PCSK2: variants seen among roughly 807,000 people sequenced by gnomAD.
PCSK2 encodes neuroendocrine convertase 2.
Under a neutral mutation model 69.7 loss-of-function variants are expected in PCSK2, and 14 were observed. The ratio of observed to expected loss-of-function variants is 0.20; its 90% CI spans 0.13 to 0.31. PCSK2 has a LOEUF of 0.31. Ranked by LOEUF, PCSK2 falls within the 10% of genes least tolerant of loss-of-function variation. The pLI, the probability that PCSK2 is intolerant of heterozygous loss-of-function variation, is 1.00. For missense variants in PCSK2, 544 were observed against 842.5 expected (o/e 0.65, Z 4.39); for synonymous variants, 307 against 320.7 (o/e 0.96, Z 0.46).
At chr20:17,375,289 G>A (rs548194202) in intron 5 of PCSK2, among the ~76,000 whole-genome samples, 1 of 152,110 alleles carries the variant, frequency 6.6e-6, no homozygotes, top group Admixed American at 6.5e-5. Context: ...AAGAAGAAAG[G>A]GCAACTGATC....
Position 17,227,286 on chromosome 20 carries a change from CT to C in PCSK2, c.-16del. ...CCAGCCTGCGCGCCTCCTAGCACCACTTTTCACTCCCAAAGAAGGATGAAGG... is the reference window on the plus strand; with the variant it reads ...CCAGCCTGCGCGCCTCCTAGCACCACTTTCACTCCCAAAGAAGGATGAAGG... On this transcript the variant is annotated 5_prime_UTR_variant, in exon 1 of 12. Coordinates refer to ENST00000262545, the MANE Select transcript of PCSK2 (RefSeq NM_002594.5). The C allele has an allele frequency of 6.2e-7, 1 of 1,611,448 alleles. No individual in the cohort carries two copies.
intron 8 of PCSK2, among the ~76,000 whole-genome samples, chr20:17,447,677 A>C (rs913245787): frequency 6.6e-6 from 1 of 152,204 alleles, no homozygotes; most frequent in East Asian, 1.9e-4. Context: ...AGACATATAT[A>C]AGATTATGTT....
intron 2 of PCSK2, among the ~76,000 whole-genome samples, chr20:17,284,854 G>A (rs1037187784): frequency 1.3e-5 from 2 of 152,196 alleles, no homozygotes; most frequent in Non-Finnish European, 2.9e-5. Context: ...AGAGTACAGA[G>A]TGAAGTCATG....
chr20:17,385,638 G>C (rs372288475), intron 5 of PCSK2, among the ~76,000 whole-genome samples: 5 of 152,164 alleles, frequency 3.3e-5, no homozygotes, highest in Admixed American at 3.3e-4. Flanking sequence ...TTCATTTACT[G>C]TCTTAGCTGG....
intron 2 of PCSK2, among the ~76,000 whole-genome samples, chr20:17,289,716 T>C (rs1393428502): frequency 6.6e-6 from 1 of 152,184 alleles, no homozygotes; most frequent in Non-Finnish European, 1.5e-5. Flanking sequence ...TTTTTTTTAT[T>C]TTACAAAGCT....
At chr20:17,291,009 T>A (rs965685487) in intron 2 of PCSK2, among the ~76,000 whole-genome samples, 11 of 152,078 alleles carry the variant, frequency 7.2e-5, no homozygotes, top group African/African-American at 2.7e-4. Flanking sequence ...CCCAATCACC[T>A]CTTAAAGTTC....
chr20:17,328,334 T>C (rs980786458), intron 2 of PCSK2, among the ~76,000 whole-genome samples: 5 of 150,044 alleles, frequency 3.3e-5, no homozygotes, highest in Non-Finnish European at 4.4e-5. Flanking sequence ...TATATAATTA[T>C]ATGTTACACA....
At chr20:17,276,851 A>T (rs1177190212) in intron 2 of PCSK2, among the ~76,000 whole-genome samples, 1 of 152,202 alleles carries the variant, frequency 6.6e-6, no homozygotes, top group African/African-American at 2.4e-5. Flanking sequence ...CCTTAAGCTG[A>T]TAAGCAACTT....
intron 2 of PCSK2, among the ~76,000 whole-genome samples, chr20:17,315,558 C>T (rs1989658911): frequency 6.6e-6 from 1 of 152,172 alleles, no homozygotes; most frequent in African/African-American, 2.4e-5. Flanking sequence ...CTTTCTGGTG[C>T]CCTCCACGCC....
At chr20:17,452,955 G>T (rs1158758026) in intron 8 of PCSK2, among the ~76,000 whole-genome samples, 1 of 152,236 alleles carries the variant, frequency 6.6e-6, no homozygotes, top group Non-Finnish European at 1.5e-5. Context: ...TTAGCATGTG[G>T]CAATAACTAC....
chr20:17,435,109 T>G (rs1055922108), intron 7 of PCSK2, among the ~76,000 whole-genome samples: 1 of 152,192 alleles, frequency 6.6e-6, no homozygotes. Flanking sequence ...TTGTCAAAAA[T>G]GGTGATTACA....
At chr20:17,426,531 G>A (rs2032252649) in intron 6 of PCSK2, among the ~76,000 whole-genome samples, 1 of 152,214 alleles carries the variant, frequency 6.6e-6, no homozygotes, top group South Asian at 2.1e-4. Context: ...AACAGAACCA[G>A]TAGGATGTGT....
chr20:17,274,691 A>G (rs1010371157), intron 2 of PCSK2, among the ~76,000 whole-genome samples: 2 of 152,134 alleles, frequency 1.3e-5, no homozygotes, highest in African/African-American at 4.8e-5. Context: ...TGTTACCTGG[A>G]GACAAACTAC....
intron 1 of PCSK2, among the ~76,000 whole-genome samples, chr20:17,257,625 G>C (rs6044704): frequency 6.6e-6 from 1 of 152,138 alleles, no homozygotes; most frequent in South Asian, 2.1e-4. Flanking sequence ...GAATCAATAA[G>C]GCTTTTTGTT....
intron 7 of PCSK2, 145 bp downstream of exon 7, chr20:17,429,668 C>G: frequency 1.9e-6 from 1 of 539,256 alleles, no homozygotes; most frequent in Non-Finnish European, 3.3e-6. Context: ...TTTCTTTTAA[C>G]CTGCATAACA....
chr20:17,481,144 G>T (rs2033391902), intron 11 of PCSK2, among the ~76,000 whole-genome samples: 1 of 152,150 alleles, frequency 6.6e-6, no homozygotes, highest in Non-Finnish European at 1.5e-5. Flanking sequence ...ACTTTGGGAG[G>T]CCAAGGCAGC....
chr20:17,431,320 G>A (rs920506781), intron 7 of PCSK2, among the ~76,000 whole-genome samples: 1 of 152,144 alleles, frequency 6.6e-6, no homozygotes, highest in Non-Finnish European at 1.5e-5. Flanking sequence ...CGGGGGTGCC[G>A]TCGGGCCTGT....
chr20:17,464,441 T>C (rs1334471593), intron 10 of PCSK2: 1 of 152,160 alleles, frequency 6.6e-6, no homozygotes, highest in African/African-American at 2.4e-5. Flanking sequence ...CTAAATATAA[T>C]TTCTCTACCC....
intron 8 of PCSK2, among the ~76,000 whole-genome samples, chr20:17,445,007 A>G (rs780364232): frequency 1.3e-5 from 2 of 152,218 alleles, no homozygotes; most frequent in African/African-American, 2.4e-5. Flanking sequence ...GGCACAGGGA[A>G]TTCTAAAGCC....
Sources: gnomAD v4.1 joint callset for allele counts (sites outside exome capture counted in the v4.1 genomes callset) on GRCh38, gnomAD v4.1.1 for gene constraint, MANE v1.5 for transcripts, NCBI Gene and HGNC (gene_info 2026-07-23, HGNC 2026-07-21) for gene names.